AKR1C8: variants seen among roughly 807,000 people sequenced by gnomAD.
AKR1C8 encodes aldo-keto reductase family 1 member C-like protein 1.
the AKR1C8 span, chr10:5,160,836 A>G: frequency 2.1e-6 from 1 of 471,010 alleles, no homozygotes; most frequent in African/African-American, 2.0e-5. Flanking sequence ...AAAGCTCCAC[A>G]GTTTCTAAAA....
At chr10:5,128,536 G>C in the AKR1C8 span, among the ~76,000 whole-genome samples, 1 of 152,036 alleles carries the variant, frequency 6.6e-6, no homozygotes, top group Non-Finnish European at 1.5e-5. Flanking sequence ...CTATCTTCAA[G>C]AGACTCACCT....
the AKR1C8 span, among the ~76,000 whole-genome samples, chr10:5,152,665 C>G: frequency 6.6e-6 from 1 of 152,214 alleles, no homozygotes; most frequent in Non-Finnish European, 1.5e-5. Context: ...GACTGAGAGA[C>G]AGCAGATTAG....
At chr10:5,139,674 G>T in the AKR1C8 span, among the ~76,000 whole-genome samples, 2 of 152,106 alleles carry the variant, frequency 1.3e-5, no homozygotes, top group Non-Finnish European at 2.9e-5. Flanking sequence ...AGACTTAAAT[G>T]TTAGACCTAA....
At chr10:5,171,120 C>G in the AKR1C8 span, among the ~76,000 whole-genome samples, 1 of 152,080 alleles carries the variant, frequency 6.6e-6, no homozygotes, top group African/African-American at 2.4e-5. Context: ...CATTTTAGCT[C>G]TTTAAAAGTC....
the AKR1C8 span, chr10:5,123,641 G>A: frequency 5.0e-6 from 7 of 1,395,648 alleles, no homozygotes; most frequent in East Asian, 1.4e-4. Context: ...CTCCAGGAAA[G>A]AGAGTACCAT....
chr10:5,166,942 G>GAA, the AKR1C8 span, among the ~76,000 whole-genome samples: 10,379 of 148,142 alleles, frequency 0.07, 412 homozygotes, highest in Middle Eastern at 0.084. Flanking sequence ...AAATTTACAA[G>GAA]AAAAAAAAAA....
chr10:5,172,882 G>T, the AKR1C8 span, among the ~76,000 whole-genome samples: 2 of 152,140 alleles, frequency 1.3e-5, no homozygotes, highest in South Asian at 4.1e-4. Flanking sequence ...AGAAGATCTA[G>T]TAGTTATAAG....
At chr10:5,116,130 G>A in the AKR1C8 span, among the ~76,000 whole-genome samples, 414 of 152,210 alleles carry the variant, frequency 2.7e-3, 2 homozygotes, top group African/African-American at 8.8e-3. Context: ...AATACTAAGC[G>A]ACGCCCTAAT....
chr10:5,143,390 C>T, the AKR1C8 span, among the ~76,000 whole-genome samples: 31,016 of 152,018 alleles, frequency 0.2, 3,994 homozygotes, highest in East Asian at 0.62. Flanking sequence ...CTAGGACTTT[C>T]ACCAGTGGCC....
the AKR1C8 span, among the ~76,000 whole-genome samples, chr10:5,176,106 T>G: frequency 5.3e-5 from 8 of 151,974 alleles, no homozygotes; most frequent in Non-Finnish European, 1.2e-4. Context: ...TTTTTATGGT[T>G]TTAAGTCTAA....
chr10:5,117,925 A>G, the AKR1C8 span, among the ~76,000 whole-genome samples: 5 of 152,146 alleles, frequency 3.3e-5, no homozygotes, highest in African/African-American at 1.2e-4. Flanking sequence ...CACCTCCTAC[A>G]TCGAAAATTC....
chr10:5,176,641 T>C, the AKR1C8 span, among the ~76,000 whole-genome samples: 2 of 152,104 alleles, frequency 1.3e-5, no homozygotes, highest in Non-Finnish European at 2.9e-5. Context: ...GTTTGTATCC[T>C]CTTTTATTTC....
At chr10:5,150,998 T>G in the AKR1C8 span, among the ~76,000 whole-genome samples, 1 of 152,170 alleles carries the variant, frequency 6.6e-6, no homozygotes. Context: ...TTTTTAAGAA[T>G]AACTTGGTGG....
the AKR1C8 span, among the ~76,000 whole-genome samples, chr10:5,153,692 A>T: frequency 2.0e-5 from 3 of 152,140 alleles, no homozygotes; most frequent in African/African-American, 7.2e-5. Flanking sequence ...ACACATTTTT[A>T]AACAACCAGA....
the AKR1C8 span, among the ~76,000 whole-genome samples, chr10:5,131,334 C>A: frequency 6.6e-6 from 1 of 151,896 alleles, no homozygotes; most frequent in Non-Finnish European, 1.5e-5. Context: ...ATAAATGGGA[C>A]CTAATTAAAC....
chr10:5,136,656 T>G, the AKR1C8 span, among the ~76,000 whole-genome samples: 11 of 152,216 alleles, frequency 7.2e-5, 1 homozygote, highest in Non-Finnish European at 1.6e-4. Context: ...AAGTGTACAT[T>G]AAATGTAAAT....
At chr10:5,169,026 A>G in the AKR1C8 span, among the ~76,000 whole-genome samples, 3 of 152,250 alleles carry the variant, frequency 2.0e-5, no homozygotes, top group South Asian at 6.2e-4. Context: ...GGGACAATTA[A>G]TCTTAAAAGA....
chr10:5,146,564 C>T, the AKR1C8 span, among the ~76,000 whole-genome samples: 11 of 152,034 alleles, frequency 7.2e-5, no homozygotes, highest in Non-Finnish European at 1.2e-4. Flanking sequence ...TTTGCAGATG[C>T]ATAAACTATC....
the AKR1C8 span, chr10:5,158,524 A>G: frequency 2.4e-6 from 1 of 409,508 alleles, no homozygotes; most frequent in Non-Finnish European, 5.0e-6. Flanking sequence ...ACAATTTTTA[A>G]AACTTCGCTT....
Sources: gnomAD v4.1 joint callset for allele counts (sites outside exome capture counted in the v4.1 genomes callset) on GRCh38, gnomAD v4.1.1 for gene constraint, MANE v1.5 for transcripts, NCBI Gene and HGNC (gene_info 2026-07-23, HGNC 2026-07-21) for gene names.